Variants in GRHL2 observed in about 807,000 individuals in gnomAD.
GRHL2 encodes grainyhead like transcription factor 2, also known as grainyhead-like protein 2 homolog.
In GRHL2, 21 loss-of-function variants were observed where a neutral mutation model predicts 83.8. The observed-to-expected ratio is 0.25, with a 90% confidence interval of 0.18 to 0.36. The LOEUF is 0.36. Among genes scored for constraint, GRHL2 ranks in the 10% least tolerant of loss-of-function variants. The pLI is 1.00. For synonymous variants in GRHL2, 280 were observed against 278.9 expected (o/e 1.00, Z -0.04); for missense variants, 623 against 781.8 (o/e 0.80, Z 2.42).
At chr8:101,612,532 C>G (rs62517381) in intron 8 of GRHL2, among the ~76,000 whole-genome samples, 6,749 of 104,156 alleles carry the variant, frequency 0.065, 340 homozygotes, top group African/African-American at 0.14. Flanking sequence ...TACATACATA[C>G]ATACATACAT....
chr8:101,674,233 C>A (rs548046044), downstream of GRHL2, among the ~76,000 whole-genome samples: 1 of 152,000 alleles, frequency 6.6e-6, no homozygotes, highest in African/African-American at 2.4e-5. Context: ...GAAATAGAGA[C>A]ACAAAAAACC....
At chr8:101,604,315 A>G (rs1020322303) in intron 8 of GRHL2, among the ~76,000 whole-genome samples, 4 of 152,178 alleles carry the variant, frequency 2.6e-5, no homozygotes, top group African/African-American at 9.7e-5. Flanking sequence ...GATTCCTGGC[A>G]CCGAGCACTG....
chr8:101,536,019 G>A (rs1811039004), intron 1 of GRHL2, among the ~76,000 whole-genome samples: 1 of 152,202 alleles, frequency 6.6e-6, no homozygotes, highest in African/African-American at 2.4e-5. Flanking sequence ...GCTGGACTTT[G>A]ATAAGAGCAC....
intron 9 of GRHL2, among the ~76,000 whole-genome samples, chr8:101,631,358 T>A (rs1163571224): frequency 2.6e-5 from 4 of 152,230 alleles, no homozygotes; most frequent in Non-Finnish European, 5.9e-5. Flanking sequence ...TCTTTCCATA[T>A]GGATTCAAAA....
intron 8 of GRHL2, among the ~76,000 whole-genome samples, chr8:101,604,255 A>T (rs1040804886): frequency 3.9e-5 from 6 of 152,152 alleles, no homozygotes; most frequent in Admixed American, 2.0e-4. Context: ...CCCTAAGATG[A>T]GGAATTCCCA....
At chr8:101,508,666 C>G (rs1810388449) in intron 1 of GRHL2, among the ~76,000 whole-genome samples, 1 of 152,072 alleles carries the variant, frequency 6.6e-6, no homozygotes, top group African/African-American at 2.4e-5. Context: ...TGATCAATGA[C>G]CACAAATTCA....
rs184795865 is a variant in GRHL2 at position 101,613,516 on chromosome 8, C to T, written c.1099-6023C>T. Among the ~76,000 whole-genome samples the T allele has an allele frequency of 5.6e-4, 85 of 150,958 alleles. 1 individual carries two copies. The highest frequency in any genetic ancestry group is 6.8e-3 in the Middle Eastern group (2 of 292). ...ATATTAAATCACTATTTGATGAATA[C>T]ATGCATAAAAAAATAGATGGTTACC... On this transcript the variant is annotated intron_variant, in intron 8 of 15. Transcript: ENST00000646743.
At chr8:101,555,714 A>T (rs1206812283) in intron 3 of GRHL2, among the ~76,000 whole-genome samples, 14 of 152,232 alleles carry the variant, frequency 9.2e-5, no homozygotes, top group African/African-American at 3.1e-4. Context: ...CAGACTTGTG[A>T]TTTTACTCCT....
intron 1 of GRHL2, among the ~76,000 whole-genome samples, chr8:101,497,328 A>G (rs552817334): frequency 6.6e-6 from 1 of 152,280 alleles, no homozygotes; most frequent in African/African-American, 2.4e-5. Context: ...GCAAGGTAAA[A>G]TTTGCCCTTG....
chr8:101,659,599 A>C (rs1404106913), intron 14 of GRHL2, among the ~76,000 whole-genome samples: 3 of 152,186 alleles, frequency 2.0e-5, no homozygotes. Context: ...CCCTTCAGCA[A>C]ATCTTCGCTC....
At chr8:101,551,384 T>A (rs1022364854) in intron 2 of GRHL2, among the ~76,000 whole-genome samples, 5 of 152,118 alleles carry the variant, frequency 3.3e-5, no homozygotes, top group African/African-American at 1.2e-4. Context: ...AGAGATGAGA[T>A]TTGAACCCAG....
intron 14 of GRHL2, among the ~76,000 whole-genome samples, chr8:101,658,448 C>T (rs1225054088): frequency 6.6e-6 from 1 of 152,198 alleles, no homozygotes; most frequent in Non-Finnish European, 1.5e-5. Context: ...CACAAAAGCA[C>T]TTATTCCATT....
At chr8:101,603,378 T>C (rs778622112) in intron 8 of GRHL2, among the ~76,000 whole-genome samples, 4 of 152,218 alleles carry the variant, frequency 2.6e-5, no homozygotes, top group Non-Finnish European at 4.4e-5. Context: ...TTGGTATTCT[T>C]GCCACAGATC....
intron 1 of GRHL2, among the ~76,000 whole-genome samples, chr8:101,501,923 C>T (rs1401496494): frequency 6.6e-6 from 1 of 151,814 alleles, no homozygotes. Flanking sequence ...ATTAGCACTG[C>T]ATGTTTACTT....
chr8:101,527,517 C>T (rs184421189), intron 1 of GRHL2, among the ~76,000 whole-genome samples: 1 of 152,272 alleles, frequency 6.6e-6, no homozygotes, highest in Non-Finnish European at 1.5e-5. Context: ...ACCTTTTAAA[C>T]AACTCTTCTC....
intron 4 of GRHL2, among the ~76,000 whole-genome samples, chr8:101,559,759 A>G (rs374082483): frequency 6.6e-6 from 1 of 152,182 alleles, no homozygotes; most frequent in Non-Finnish European, 1.5e-5. Context: ...AATTGTATAC[A>G]ATTGTGAAAC....
At chr8:101,637,249 T>G (rs1461572569) in intron 12 of GRHL2, among the ~76,000 whole-genome samples, 1 of 152,152 alleles carries the variant, frequency 6.6e-6, no homozygotes, top group South Asian at 2.1e-4. Flanking sequence ...TGAAATCTTC[T>G]CAGTAGTCCT....
intron 6 of GRHL2, among the ~76,000 whole-genome samples, chr8:101,575,619 A>G (rs1336113028): frequency 6.6e-6 from 1 of 152,236 alleles, no homozygotes; most frequent in Non-Finnish European, 1.5e-5. Context: ...CGTGGTAACA[A>G]CAGTTTCAAA....
At chr8:101,588,159 C>T (rs145402436) in intron 7 of GRHL2, among the ~76,000 whole-genome samples, 1,922 of 152,254 alleles carry the variant, frequency 0.013, 16 homozygotes, top group Middle Eastern at 0.058. Context: ...AATCCTGTGC[C>T]ATAGGTGCTG....
Sources: gnomAD v4.1 joint callset for allele counts (sites outside exome capture counted in the v4.1 genomes callset) on GRCh38, gnomAD v4.1.1 for gene constraint, MANE v1.5 for transcripts, NCBI Gene and HGNC (gene_info 2026-07-23, HGNC 2026-07-21) for gene names.